LINGO2: variants seen among roughly 807,000 people sequenced by gnomAD.
LINGO2 encodes leucine rich repeat and Ig domain containing 2.
Under a neutral mutation model 30.6 loss-of-function variants are expected in LINGO2, and 14 were observed. That is an observed-to-expected ratio of 0.46 (90% confidence interval 0.30 to 0.72). LINGO2 has a LOEUF of 0.72. Among genes scored for constraint, LINGO2 ranks in the 30% least tolerant of loss-of-function variants. LINGO2 has a pLI of 0.07. For synonymous variants in LINGO2, 317 were observed against 288.5 expected (o/e 1.10, Z -1.00); for missense variants, 729 against 751.7 (o/e 0.97, Z 0.35).
At chr9:28,100,229 C>G (rs544053745) in intron 4 of LINGO2, among the ~76,000 whole-genome samples, 8 of 152,212 alleles carry the variant, frequency 5.3e-5, no homozygotes, top group African/African-American at 1.4e-4. Flanking sequence ...ATAGAGTCCC[C>G]ATGAAAGCTT....
intron 4 of LINGO2, among the ~76,000 whole-genome samples, chr9:28,018,915 G>A (rs1275304771): frequency 6.6e-6 from 1 of 151,972 alleles, no homozygotes; most frequent in Non-Finnish European, 1.5e-5. Context: ...TTCACAAGAT[G>A]AGGAATCATA....
chr9:28,077,235 C>T (rs570847387), intron 4 of LINGO2, among the ~76,000 whole-genome samples: 192 of 152,108 alleles, frequency 1.3e-3, no homozygotes, highest in Non-Finnish European at 2.3e-3. Context: ...TACATACATA[C>T]AAGTACCACA....
At chr9:28,793,356 T>C in the LINGO2 span, among the ~76,000 whole-genome samples, 1 of 152,184 alleles carries the variant, frequency 6.6e-6, no homozygotes, top group Non-Finnish European at 1.5e-5. Context: ...AAAAATCTTA[T>C]CCTTTAGTAG....
intron 4 of LINGO2, among the ~76,000 whole-genome samples, chr9:28,103,455 C>T (rs751267667): frequency 3.9e-5 from 6 of 152,068 alleles, no homozygotes; most frequent in Non-Finnish European, 7.4e-5. Context: ...TTTCTATGTA[C>T]TGTCTTGAAA....
intron 4 of LINGO2, among the ~76,000 whole-genome samples, chr9:28,249,168 T>C (rs911862422): frequency 2.6e-5 from 4 of 152,130 alleles, no homozygotes; most frequent in African/African-American, 7.2e-5. Flanking sequence ...ATTTTCAACA[T>C]GCAACATTCA....
the LINGO2 span, chr9:27,940,071 G>GT: frequency 6.6e-6 from 1 of 152,074 alleles, no homozygotes; most frequent in South Asian, 2.1e-4. Context: ...TGAGGTCTTA[G>GT]TTTTTTTAGC....
chr9:28,470,214 G>A (rs1362796042), intron 2 of LINGO2, among the ~76,000 whole-genome samples: 1 of 152,100 alleles, frequency 6.6e-6, no homozygotes, highest in Non-Finnish European at 1.5e-5. Context: ...CTACAGAATT[G>A]TACACTTGAA....
chr9:28,506,485 C>CATATATATATATATATATAT (rs1491111372), intron 1 of LINGO2, among the ~76,000 whole-genome samples: 11 of 73,374 alleles, frequency 1.5e-4, no homozygotes, highest in East Asian at 3.7e-4. Flanking sequence ...CACACATACA[C>CATATATATATATATATATAT]ATACACACAC....
At chr9:28,342,909 T>C (rs1819407461) in intron 3 of LINGO2, among the ~76,000 whole-genome samples, 1 of 152,140 alleles carries the variant, frequency 6.6e-6, no homozygotes, top group Non-Finnish European at 1.5e-5. Flanking sequence ...CTGTTCCTGG[T>C]GATCAAATCC....
chr9:28,548,428 G>T (rs551607141), intron 1 of LINGO2, among the ~76,000 whole-genome samples: 1 of 151,900 alleles, frequency 6.6e-6, no homozygotes. Flanking sequence ...ATTTGGGGCC[G>T]GGTGTGGTGG....
At chr9:28,220,730 C>G (rs147058091) in intron 4 of LINGO2, among the ~76,000 whole-genome samples, 1 of 152,114 alleles carries the variant, frequency 6.6e-6, no homozygotes, top group East Asian at 1.9e-4. Flanking sequence ...ATCAAATCAC[C>G]AGATATATCA....
At chr9:29,186,257 A>G in the LINGO2 span, among the ~76,000 whole-genome samples, 1 of 152,054 alleles carries the variant, frequency 6.6e-6, no homozygotes, top group South Asian at 2.1e-4. Flanking sequence ...TTACCATTAA[A>G]CTCTATAACT....
intron 1 of LINGO2, among the ~76,000 whole-genome samples, chr9:28,581,358 T>C (rs1049012084): frequency 5.9e-5 from 9 of 151,856 alleles, no homozygotes; most frequent in Non-Finnish European, 1.0e-4. Context: ...CTTGAATACC[T>C]GCAGTTACAC....
At chr9:28,359,489 A>C (rs1479138065) in intron 3 of LINGO2, among the ~76,000 whole-genome samples, 1 of 152,146 alleles carries the variant, frequency 6.6e-6, no homozygotes, top group Non-Finnish European at 1.5e-5. Context: ...CTGGCCCTAA[A>C]ATTACAAAAA....
intron 3 of LINGO2, among the ~76,000 whole-genome samples, chr9:28,328,327 T>C (rs968589372): frequency 2.0e-5 from 3 of 152,170 alleles, no homozygotes; most frequent in Non-Finnish European, 4.4e-5. Flanking sequence ...TCTAACATTA[T>C]GGAAAGTCCA....
chr9:28,180,350 C>T lies in LINGO2; in HGVS notation c.-87+114858G>A, dbSNP rs569786184. Among the ~76,000 whole-genome samples, 323 of 152,244 alleles carry T rather than the reference C, an allele frequency of 2.1e-3. 4 individuals carry two copies. Among genetic ancestry groups the T allele is most frequent in the African/African-American group, 7.2e-3 (299 of 41,572 alleles). ...GTTGTATTGCTTCATGTAAAGTTTTCTATCTTGTGGATTTTAAAAGAAATT... is the reference window on the plus strand; with the variant it reads ...GTTGTATTGCTTCATGTAAAGTTTTTTATCTTGTGGATTTTAAAAGAAATT... On this transcript the variant is annotated intron_variant, in intron 4 of 5. Transcript: ENST00000379992.
At chr9:28,536,722 C>A (rs1265888491) in intron 1 of LINGO2, among the ~76,000 whole-genome samples, 1 of 152,074 alleles carries the variant, frequency 6.6e-6, no homozygotes, top group Non-Finnish European at 1.5e-5. Context: ...TTGACAGAAT[C>A]TGAACAGACC....
intron 5 of LINGO2, among the ~76,000 whole-genome samples, chr9:28,011,408 G>A (rs1029832248): frequency 1.3e-5 from 2 of 152,206 alleles, no homozygotes; most frequent in Non-Finnish European, 2.9e-5. Context: ...GAGTACAGGG[G>A]TGCAGGGGAA....
At chr9:28,242,559 T>C (rs1358115665) in intron 4 of LINGO2, among the ~76,000 whole-genome samples, 1 of 152,084 alleles carries the variant, frequency 6.6e-6, no homozygotes, top group Non-Finnish European at 1.5e-5. Context: ...TTCAGGATAT[T>C]ATCCAGGAGA....
Sources: gnomAD v4.1 joint callset for allele counts (sites outside exome capture counted in the v4.1 genomes callset) on GRCh38, gnomAD v4.1.1 for gene constraint, MANE v1.5 for transcripts, NCBI Gene and HGNC (gene_info 2026-07-23, HGNC 2026-07-21) for gene names.